Variants in AQP9 observed in about 807,000 individuals in gnomAD.
The protein encoded by AQP9 is aquaporin-9.
A neutral mutation model predicts 23.8 loss-of-function variants in AQP9; 19 were observed. The observed-to-expected ratio is 0.80, with a 90% CI of 0.56 to 1.17. The LOEUF (loss-of-function observed/expected upper bound fraction) is 1.17. AQP9 is among the 50% of genes most tolerant of loss of function. The pLI is 0.00. For missense variants in AQP9, 413 were observed against 362.0 expected (o/e 1.14, Z -1.14); for synonymous variants, 153 against 131.5 (o/e 1.16, Z -1.12).
chr15:58,140,095 TG>T (rs1897926427), intron 1 of AQP9, among the ~76,000 whole-genome samples: 1 of 151,914 alleles, frequency 6.6e-6, no homozygotes. Context: ...CAATACAGAG[TG>T]ATTACAGCCT....
At chr15:58,143,582 G>T (rs1407489111) in intron 1 of AQP9, among the ~76,000 whole-genome samples, 1 of 152,094 alleles carries the variant, frequency 6.6e-6, no homozygotes, top group Admixed American at 6.6e-5. Context: ...ATATGCTTTT[G>T]AAGTTTTACT....
intron 5 of AQP9, among the ~76,000 whole-genome samples, chr15:58,183,737 C>T (rs1193165716): frequency 6.6e-6 from 1 of 152,092 alleles, no homozygotes; most frequent in Non-Finnish European, 1.5e-5. Flanking sequence ...CATAATATCT[C>T]ACAAATATTA....
chr15:58,178,469 A>G (rs1340697833), intron 4 of AQP9, among the ~76,000 whole-genome samples: 3 of 152,238 alleles, frequency 2.0e-5, no homozygotes, highest in African/African-American at 7.2e-5. Flanking sequence ...AACATCCAGC[A>G]GCATCAAATT....
intron 5 of AQP9, among the ~76,000 whole-genome samples, chr15:58,180,333 TAG>T (rs1898856020): frequency 6.6e-6 from 1 of 152,112 alleles, no homozygotes; most frequent in Non-Finnish European, 1.5e-5. Flanking sequence ...GACCTAGACA[TAG>T]AGTCATCAGG....
Position 58,173,068 on chromosome 15 carries a change from G to A in AQP9, c.239G>A (p.Gly80Asp), listed in dbSNP as rs753071847. 7 of 1,613,856 alleles carry A rather than the reference G, an allele frequency of 4.3e-6. No individual in the cohort carries two copies. In the South Asian group the frequency reaches 7.7e-5, roughly 18 times the overall value. ...MAIYVAGGVS[G>D]GHINPAVSLA... ...TCACTTCTCCAATCTTCCCTTGCAGGTGGTCACATCAACCCAGCTGTGTCT... is the reference window on the plus strand; with the variant it reads ...TCACTTCTCCAATCTTCCCTTGCAGATGGTCACATCAACCCAGCTGTGTCT... Residue 80 changes from glycine to aspartate, a missense_variant and splice_region_variant, in exon 3 of 6, where the codon GGT becomes GAT. Physicochemically the swap from Gly to Asp is moderately conservative, Grantham distance 94 (BLOSUM62 -1). Transcript: ENST00000219919.
intron 1 of AQP9, among the ~76,000 whole-genome samples, chr15:58,138,997 T>C (rs1290517055): frequency 2.0e-5 from 3 of 152,224 alleles, no homozygotes; most frequent in South Asian, 4.1e-4. Flanking sequence ...AGTGTTTTCA[T>C]TGATCAATTG....
chr15:58,166,578 A>G, intron 1 of AQP9, 95 bp from the exon 2 acceptor site: 1 of 1,478,642 alleles, frequency 6.8e-7, no homozygotes, highest in African/African-American at 1.4e-5. Context: ...AACCCAATCC[A>G]TGACTTTGCT....
chr15:58,173,202 T>C lies in AQP9; in HGVS notation c.373T>C (p.Tyr125His). The C allele has an allele frequency of 6.2e-7, 1 of 1,614,144 alleles. No homozygotes were observed. Among genetic ancestry groups the C allele is most frequent in the African/African-American group, 1.3e-5 (1 of 75,046 alleles). ...VGAATVFGIY[Y>H]DGLMSFAGGK... ...GGCTGCAACCGTCTTTGGCATTTACTATGGTGAGTAAAGTCCCTGAGTCCT... is the reference window on the plus strand; with the variant it reads ...GGCTGCAACCGTCTTTGGCATTTACCATGGTGAGTAAAGTCCCTGAGTCCT... The change falls in exon 3 of 6, where the codon TAT becomes CAT. Residue 125 changes from tyrosine to histidine, a missense_variant. Transcript: ENST00000219919.
At chr15:58,141,585 T>C (rs1897954668) in intron 1 of AQP9, among the ~76,000 whole-genome samples, 2 of 151,522 alleles carry the variant, frequency 1.3e-5, no homozygotes, top group Admixed American at 1.3e-4. Flanking sequence ...AATAGGGGAG[T>C]GGGCAGTACA....
chr15:58,174,246 G>A (rs8036397), intron 3 of AQP9, among the ~76,000 whole-genome samples: 60,677 of 151,208 alleles, frequency 0.4, 12,589 homozygotes, highest in Non-Finnish European at 0.44. Context: ...TCATGCCATT[G>A]CACTCCAGCC....
At chr15:58,183,407 T>C (rs1898936719) in intron 5 of AQP9, among the ~76,000 whole-genome samples, 1 of 152,242 alleles carries the variant, frequency 6.6e-6, no homozygotes, top group Non-Finnish European at 1.5e-5. Flanking sequence ...GACAGCCTTA[T>C]CAGAGGGTAG....
At chr15:58,173,373 C>T (rs760390192) in intron 3 of AQP9, among the ~76,000 whole-genome samples, 168 bp downstream of exon 3, 2 of 152,130 alleles carry the variant, frequency 1.3e-5, no homozygotes, top group East Asian at 1.9e-4. Context: ...CCAGCAAATT[C>T]GTGAATCCTG....
intron 1 of AQP9, among the ~76,000 whole-genome samples, chr15:58,142,459 C>T (rs1023370699): frequency 4.6e-5 from 7 of 152,148 alleles, no homozygotes; most frequent in East Asian, 1.9e-4. Flanking sequence ...ACAGAACAGA[C>T]GTGATCGTGG....
rs1897896437 is a variant in AQP9 at position 58,138,526 on chromosome 15, A to G, written c.-40A>G. 6.6e-7 allele frequency: 1 copy of G among 1,519,300 alleles called. No individual in the cohort carries two copies. Among genetic ancestry groups the G allele is most frequent in the Non-Finnish European group, 9.1e-7 (1 of 1,100,250 alleles). The allele number at this position is 1,519,300 out of a possible 1,614,324, so 94.1% of individuals were successfully genotyped here. A position where few individuals can be genotyped will look rare whatever the true frequency, so the allele number is the denominator to read the frequency against. On this transcript the variant is annotated 5_prime_UTR_variant, in exon 1 of 6. Coordinates refer to ENST00000219919, the MANE Select transcript of AQP9 (RefSeq NM_020980.5). ...TGTGAAAGTGAGGACCACAACAGGT[A>G]GGTATTGGTAGAAACAGGAGTCCTC...
chr15:58,177,252 C>G (rs1898779073), intron 4 of AQP9, among the ~76,000 whole-genome samples: 1 of 152,140 alleles, frequency 6.6e-6, no homozygotes, highest in South Asian at 2.1e-4. Context: ...TTTATTTACC[C>G]AATAACTATT....
chr15:58,183,949 G>C lies in AQP9; in HGVS notation c.714-12G>C, dbSNP rs2140639237. On this transcript the variant is annotated splice_polypyrimidine_tract_variant and intron_variant, in intron 5 of 5. Coordinates refer to ENST00000219919, the MANE Select transcript of AQP9 (RefSeq NM_020980.5). ...CCAAGAAATGTATCACTAATTTCTTGTTTGATTTCAGAGCTGGAAACAACT... is the reference window on the plus strand; with the variant it reads ...CCAAGAAATGTATCACTAATTTCTTCTTTGATTTCAGAGCTGGAAACAACT... The C allele has an allele frequency of 2.5e-6, 4 of 1,613,388 alleles. No individual in the cohort carries two copies. The highest frequency in any genetic ancestry group is 3.4e-6 in the Non-Finnish European group (4 of 1,179,526).
intron 1 of AQP9, among the ~76,000 whole-genome samples, chr15:58,165,286 C>T (rs958040641): frequency 6.6e-6 from 1 of 152,062 alleles, no homozygotes; most frequent in Non-Finnish European, 1.5e-5. Flanking sequence ...TCCCAAGAAC[C>T]GTCCTTCACC....
At chr15:58,170,512 C>T (rs1246931730) in intron 2 of AQP9, among the ~76,000 whole-genome samples, 3 of 151,842 alleles carry the variant, frequency 2.0e-5, no homozygotes, top group Non-Finnish European at 4.4e-5. Context: ...TCAAGCGATT[C>T]TCCTGCCTCA....
At chr15:58,182,954 G>A (rs1316280232) in intron 5 of AQP9, among the ~76,000 whole-genome samples, 23 of 152,186 alleles carry the variant, frequency 1.5e-4, no homozygotes, top group African/African-American at 5.5e-4. Context: ...GGGTTCTTGT[G>A]TCCTGCTTAT....
Sources: allele counts gnomAD v4.1 joint callset (sites outside exome capture counted in the v4.1 genomes callset), GRCh38; gene constraint gnomAD v4.1.1; transcripts MANE v1.5; gene names NCBI Gene and HGNC (gene_info 2026-07-23, HGNC 2026-07-21).